Variants in FCER2 observed in about 807,000 individuals in gnomAD.
FCER2 encodes Fc epsilon receptor II, also known as low affinity immunoglobulin epsilon Fc receptor.
In FCER2, 38 loss-of-function variants were observed where a neutral mutation model predicts 49.7. The observed-to-expected ratio is 0.76, with a 90% CI of 0.59 to 1.00. FCER2 has a LOEUF of 1.00. Ranked by LOEUF, FCER2 falls within the 50% of genes least tolerant of loss-of-function variation. The probability of loss-of-function intolerance (pLI) is 0.00; values close to 1 mark genes in which losing one functional copy is unlikely to be tolerated. For synonymous variants in FCER2, 163 were observed against 164.6 expected, an observed-to-expected ratio of 0.99 and a Z score of 0.07; for missense variants, 425 against 419.5, an observed-to-expected ratio of 1.01 and a Z score of -0.11.
intron 8 of FCER2, among the ~76,000 whole-genome samples, chr19:7,692,643 G>A (rs112298352): frequency 0.34 from 50,165 of 149,572 alleles, 9,257 homozygotes; most frequent in African/African-American, 0.49. Flanking sequence ...ATCGCCATCA[G>A]CACTTCGTGG....
chr19:7,694,659 A>G (rs988086545), intron 8 of FCER2, among the ~76,000 whole-genome samples: 3 of 152,128 alleles, frequency 2.0e-5, no homozygotes, highest in African/African-American at 7.2e-5. Context: ...TGGGATTCCC[A>G]AAGCCACTTC....
chr19:7,700,360 G>T (rs915234493), intron 1 of FCER2, among the ~76,000 whole-genome samples: 10 of 152,112 alleles, frequency 6.6e-5, no homozygotes, highest in Admixed American at 4.6e-4. Context: ...TTGGTGCCGG[G>T]CTGCGCACAG....
At chr19:7,698,965 C>T (rs2033092697) in intron 2 of FCER2, 111 bp from the exon 3 acceptor site, 2 of 1,150,176 alleles carry the variant, frequency 1.7e-6, no homozygotes, top group Non-Finnish European at 2.5e-6. Flanking sequence ...GTCCAGAGCC[C>T]ACACTGAAGC....
Position 7,699,720 on chromosome 19 carries a change from A to G in FCER2, c.22+19T>C. ...GGGTCATTGCTTCTGCCAACGTTAG[A>G]ACCAGAGAGTCCTCCTACCTGAATA... On this transcript the variant is annotated intron_variant, in intron 2 of 10. Transcript: ENST00000597921. 6.2e-7 allele frequency: 1 copy of G among 1,612,872 alleles called. No individual in the cohort carries two copies. The highest frequency in any genetic ancestry group is 1.1e-5 in the South Asian group (1 of 91,044).
intron 3 of FCER2, 111 bp downstream of exon 3, chr19:7,698,630 G>T (rs914517473): frequency 6.9e-7 from 1 of 1,449,564 alleles, no homozygotes; most frequent in Non-Finnish European, 9.3e-7. Context: ...GGGAAAATTG[G>T]GTTTTGAGAG....
Position 7,697,238 on chromosome 19 carries a change from T to C in FCER2, c.314A>G (p.Gln105Arg). Residue 105 changes from glutamine to arginine, a missense_variant and splice_region_variant, in exon 6 of 11, where the codon CAG becomes CGG. Coordinates refer to ENST00000597921, the MANE Select transcript of FCER2 (RefSeq NM_001220500.2). Reference sequence around the variant, plus strand: ...TAACCCCGATCCCAGTCTCTCACCCTGAGATTTCAATCTCTGCTGTTCAGC... The same window carrying C: ...TAACCCCGATCCCAGTCTCTCACCCCGAGATTTCAATCTCTGCTGTTCAGC... ...LRAEQQRLKSQDLELSWNLNG... is the reference protein window; with the variant it reads ...LRAEQQRLKSRDLELSWNLNG... The C allele has an allele frequency of 6.2e-7, 1 of 1,613,828 alleles. No homozygotes were observed. The highest frequency in any genetic ancestry group is 8.5e-7 in the Non-Finnish European group (1 of 1,179,682).
At chr19:7,701,757 A>G (rs912557814) in intron 1 of FCER2, among the ~76,000 whole-genome samples, 1 of 151,610 alleles carries the variant, frequency 6.6e-6, no homozygotes, top group Non-Finnish European at 1.5e-5. Context: ...AGGGCCCTCT[A>G]TGATCGGCCC....
intron 8 of FCER2, among the ~76,000 whole-genome samples, chr19:7,691,270 C>T (rs1393126729): frequency 1.3e-5 from 2 of 152,180 alleles, no homozygotes; most frequent in East Asian, 1.9e-4. Flanking sequence ...GCCAGAAGCA[C>T]TTCAGTTGTC....
chr19:7,696,440 T>A (rs2033013230), intron 8 of FCER2, among the ~76,000 whole-genome samples: 1 of 152,112 alleles, frequency 6.6e-6, no homozygotes, highest in African/African-American at 2.4e-5. Flanking sequence ...TTCACCATGT[T>A]GGTCAGGCTG....
At chr19:7,696,969 T>A (rs377594003) in intron 7 of FCER2, 44 bp downstream of exon 7, 55 of 1,559,564 alleles carry the variant, frequency 3.5e-5, no homozygotes, top group Admixed American at 7.7e-5. Context: ...GCCCCCTCCT[T>A]GTCCGTTCCC....
intron 1 of FCER2, 120 bp downstream of exon 1, chr19:7,701,895 C>T (rs1248326602): frequency 6.7e-6 from 1 of 150,040 alleles, no homozygotes; most frequent in East Asian, 2.0e-4. Context: ...CCCACCACCT[C>T]CCTTCTCTGG....
At chr19:7,698,502 G>A (rs565035214) in intron 3 of FCER2, 93 bp from the exon 4 acceptor site, 9 of 1,100,756 alleles carry the variant, frequency 8.2e-6, no homozygotes, top group African/African-American at 4.6e-5. Flanking sequence ...TGGAGGTCTT[G>A]GGTATAAGCC....
intron 8 of FCER2, among the ~76,000 whole-genome samples, chr19:7,693,169 C>T (rs746896546): frequency 7.2e-5 from 11 of 152,162 alleles, no homozygotes; most frequent in African/African-American, 1.7e-4. Context: ...GGTCCACCAG[C>T]GATTACTTTC....
chr19:7,699,601 TACTC>T, intron 2 of FCER2, 134 bp downstream of exon 2: 1 of 1,187,556 alleles, frequency 8.4e-7, no homozygotes, highest in Non-Finnish European at 1.2e-6. Context: ...CTCACCTCCT[TACTC>T]ACACCAGTCC....
At chr19:7,694,016 T>G (rs1371184306) in intron 8 of FCER2, among the ~76,000 whole-genome samples, 1 of 150,764 alleles carries the variant, frequency 6.6e-6, no homozygotes, top group Non-Finnish European at 1.5e-5. Context: ...AGTCTCGAAC[T>G]CCTGGGCTCA....
intron 1 of FCER2, 22 bp from the exon 2 acceptor site, chr19:7,699,867 G>GCTCACCCTAACCATCA: frequency 2.8e-6 from 3 of 1,078,468 alleles, no homozygotes; most frequent in Non-Finnish European, 4.2e-6. Context: ...TTTAATGATG[G>GCTCACCCTAACCATCA]TTAGGGTGAG....
chr19:7,700,438 G>A (rs1223619516), intron 1 of FCER2, among the ~76,000 whole-genome samples: 2 of 152,166 alleles, frequency 1.3e-5, no homozygotes, highest in Non-Finnish European at 2.9e-5. Flanking sequence ...GAAATGCTAA[G>A]AGCCCATAAC....
intron 6 of FCER2, 23 bp downstream of exon 6, chr19:7,697,213 T>C: frequency 6.2e-7 from 1 of 1,613,504 alleles, no homozygotes; most frequent in Non-Finnish European, 8.5e-7. Context: ...TCTGGCTTCA[T>C]AACCCCGATC....
In FCER2 at chr19:7,697,541, G is replaced by T. The variant is rs145568326; in HGVS notation, c.239C>A (p.Ala80Glu). 1 of 1,613,900 alleles carries T rather than the reference G, an allele frequency of 6.2e-7. No homozygotes were observed. The highest frequency in any genetic ancestry group is 8.5e-7 in the Non-Finnish European group (1 of 1,179,874). ...NLESHHGDQMAQKSQSTQISQ... is the reference protein window; with the variant it reads ...NLESHHGDQMEQKSQSTQISQ... ...GAGTCACTCACACTGGGATTTCTGC[G>T]CCATCTGGTCACCGTGGTGGCTTTC... is the stretch of plus-strand genomic sequence containing the variant. Residue 80 changes from alanine (A) to glutamate (E), a missense_variant, in exon 5 of 11, where the codon GCG (alanine) becomes GAG (glutamate). Physicochemically the swap from Ala to Glu is moderately radical, Grantham distance 107. Coordinates refer to ENST00000597921, the MANE Select transcript of FCER2 (RefSeq NM_001220500.2).
Sources: allele counts gnomAD v4.1 joint callset (sites outside exome capture counted in the v4.1 genomes callset), GRCh38; gene constraint gnomAD v4.1.1; transcripts MANE v1.5; gene names NCBI Gene and HGNC (gene_info 2026-07-23, HGNC 2026-07-21).